DNAJC16: variants seen among roughly 807,000 people sequenced by gnomAD.
DNAJC16 encodes the protein DnaJ heat shock protein family (Hsp40) member C16, also known as dnaJ homolog subfamily C member 16.
In DNAJC16, 76 loss-of-function variants were observed where a neutral mutation model predicts 92.7. That is an observed-to-expected ratio of 0.82 (90% confidence interval 0.68 to 0.99). The LOEUF is 0.99. DNAJC16 is among the 50% of genes least tolerant of loss of function. DNAJC16 has a pLI of 0.00. For missense variants in DNAJC16, 869 were observed against 942.4 expected, an observed-to-expected ratio of 0.92 and a Z score of 1.02; for synonymous variants, 328 against 358.7, an observed-to-expected ratio of 0.91 and a Z score of 0.97.
rs1638928127 is a variant in DNAJC16 at position 15,570,708 on chromosome 1, C to A, written c.*2531C>A. 6.6e-6 allele frequency: 1 copy of A among 152,118 alleles called. No individual in the cohort carries two copies. The highest frequency in any genetic ancestry group is 1.5e-5 in the Non-Finnish European group (1 of 68,026). 9.4% of individuals were successfully genotyped at this position (152,118 alleles called of 1,614,324 possible). A position where few individuals can be genotyped will look rare whatever the true frequency, so the allele number is the denominator to read the frequency against. Reference sequence around the variant, plus strand: ...GGTGCCCTATGAGAATATTAGGGAGCTTTTATTTTAAATTGAACTTTACCC... The same window carrying A: ...GGTGCCCTATGAGAATATTAGGGAGATTTTATTTTAAATTGAACTTTACCC... On this transcript the variant is annotated 3_prime_UTR_variant, in exon 15 of 15. Transcript: ENST00000375847.
chr1:15,532,657 G>A (rs1399406743), intron 2 of DNAJC16, among the ~76,000 whole-genome samples: 2 of 151,440 alleles, frequency 1.3e-5, no homozygotes, highest in African/African-American at 4.8e-5. Context: ...CCACTCAGTC[G>A]TCAGCCTGAT....
At chr1:15,528,743 T>C (rs1301326303) in intron 1 of DNAJC16, among the ~76,000 whole-genome samples, 2 of 152,236 alleles carry the variant, frequency 1.3e-5, no homozygotes, top group Non-Finnish European at 2.9e-5. Context: ...ATCATGTATT[T>C]GAGAGGTAGT....
intron 7 of DNAJC16, among the ~76,000 whole-genome samples, chr1:15,557,969 C>G (rs1280278284): frequency 6.6e-6 from 1 of 151,246 alleles, no homozygotes; most frequent in East Asian, 2.0e-4. Context: ...CTGGTATGCT[C>G]TCCCAGCCTC....
intron 9 of DNAJC16, among the ~76,000 whole-genome samples, chr1:15,562,846 C>T (rs1233249268): frequency 2.0e-5 from 3 of 151,150 alleles, no homozygotes; most frequent in African/African-American, 7.3e-5. Flanking sequence ...AGCCTCAGGC[C>T]CCCACAGAAA....
chr1:15,537,677 T>G (rs774763239), intron 4 of DNAJC16, among the ~76,000 whole-genome samples: 6 of 152,198 alleles, frequency 3.9e-5, no homozygotes, highest in African/African-American at 9.7e-5. Flanking sequence ...TCCCTTGCAT[T>G]GTGGTAAATG....
At chr1:15,530,980 G>A (rs934148727) in intron 2 of DNAJC16, among the ~76,000 whole-genome samples, 1 of 152,226 alleles carries the variant, frequency 6.6e-6, no homozygotes, top group Non-Finnish European at 1.5e-5. Context: ...GAGCTACCAT[G>A]CTCGGCCAGT....
Position 15,546,884 on chromosome 1 carries a change from C to G in DNAJC16, c.864+13C>G. 1 of 1,512,074 alleles carries G rather than the reference C, an allele frequency of 6.6e-7. No individual in the cohort carries two copies. Among genetic ancestry groups the G allele is most frequent in the Non-Finnish European group, 9.0e-7 (1 of 1,114,076 alleles). 93.7% of individuals were successfully genotyped at this position (1,512,074 alleles called of 1,614,324 possible). On this transcript the variant is annotated intron_variant, in intron 6 of 14. Transcript: ENST00000375847. The stretch of plus-strand genomic sequence containing the variant: ...ACTGTTATACAAGGTACTTTCTATG[C>G]TAGGATAATGGTTTCTTTTTCTTTT...
At chr1:15,539,707 T>C (rs1710886926) in intron 4 of DNAJC16, among the ~76,000 whole-genome samples, 1 of 151,948 alleles carries the variant, frequency 6.6e-6, no homozygotes, top group Non-Finnish European at 1.5e-5. Context: ...ATTGTACCTG[T>C]CTTTAAATAT....
chr1:15,559,292 G>A (rs914993548), intron 7 of DNAJC16, among the ~76,000 whole-genome samples: 1 of 152,120 alleles, frequency 6.6e-6, no homozygotes, highest in Non-Finnish European at 1.5e-5. Context: ...ATTCTCCAGT[G>A]GAAAGTGTAC....
chr1:15,538,106 AAGAG>A (rs1328592504), intron 4 of DNAJC16, among the ~76,000 whole-genome samples: 1 of 152,126 alleles, frequency 6.6e-6, no homozygotes, highest in Non-Finnish European at 1.5e-5. Context: ...CCTGTTTAAA[AAGAG>A]AGACTGCTGG....
At chr1:15,543,877 T>C (rs940281783) in intron 4 of DNAJC16, among the ~76,000 whole-genome samples, 1 of 152,180 alleles carries the variant, frequency 6.6e-6, no homozygotes, top group African/African-American at 2.4e-5. Context: ...ACTGGAAGGA[T>C]GGAGCTGTCA....
intron 9 of DNAJC16, among the ~76,000 whole-genome samples, chr1:15,563,158 G>A (rs1220254889): frequency 1.3e-5 from 2 of 151,696 alleles, no homozygotes; most frequent in African/African-American, 4.9e-5. Context: ...TTAATATTAA[G>A]TCAAGGTTAT....
chr1:15,546,295 C>T (rs549120151), intron 5 of DNAJC16, among the ~76,000 whole-genome samples: 4 of 152,060 alleles, frequency 2.6e-5, no homozygotes, highest in Non-Finnish European at 4.4e-5. Context: ...GCCTGGGCAA[C>T]AAAGCAAGAC....
rs1710798423 is a variant in DNAJC16 at position 15,536,718 on chromosome 1, A to G, written c.478A>G (p.Lys160Glu). Residue 160 changes from lysine to glutamate, a missense_variant, in exon 4 of 15, where the codon AAA (lysine) becomes GAA (glutamate). Coordinates refer to ENST00000375847, the MANE Select transcript of DNAJC16 (RefSeq NM_015291.4). ...TGAAGTGGTTCCAGATAGCTTCAAG[A>G]AACCCTACCTCATCAAGATCACCTC... is the stretch of plus-strand genomic sequence containing the variant. ...VNEVVPDSFKKPYLIKITSDW... is the reference protein window; with the variant it reads ...VNEVVPDSFKEPYLIKITSDW... 2.5e-6 allele frequency: 4 copies of G among 1,614,098 alleles called. No homozygotes were observed. The highest frequency in any genetic ancestry group is 1.7e-6 in the Non-Finnish European group (2 of 1,180,040).
rs1406302530 is a variant in DNAJC16, at chr1:15,549,974, GA to G, written c.1023+1553del. Among the ~76,000 whole-genome samples the G allele has an allele frequency of 3.3e-5, 5 of 152,176 alleles. No homozygotes were observed. In the South Asian group the frequency reaches 1.0e-3, roughly 32 times the overall value. ...AACTTTATCATAGGTATGTGTATAG[GA>G]AAAAAACATAGTTTGTATAGAGTTC... On this transcript the variant is annotated intron_variant, in intron 7 of 14. Transcript: ENST00000375847.
intron 7 of DNAJC16, among the ~76,000 whole-genome samples, chr1:15,556,389 G>A (rs7540081): frequency 2.6e-5 from 4 of 151,874 alleles, no homozygotes; most frequent in Non-Finnish European, 5.9e-5. Context: ...GGCATGCACC[G>A]CAATGCCCCG....
intron 7 of DNAJC16, among the ~76,000 whole-genome samples, chr1:15,552,756 T>G (rs972141758): frequency 6.6e-6 from 1 of 150,888 alleles, no homozygotes; most frequent in Middle Eastern, 3.2e-3. Flanking sequence ...TGTGTCTTTT[T>G]ATTATTATTA....
chr1:15,553,611 T>C (rs1275167142), intron 7 of DNAJC16, among the ~76,000 whole-genome samples: 1 of 152,172 alleles, frequency 6.6e-6, no homozygotes, highest in Non-Finnish European at 1.5e-5. Context: ...GATGCACAAG[T>C]CAGAGGTGTG....
In DNAJC16 at chr1:15,568,338, TAGGAATGA is replaced by T. The variant is rs1167610741; in HGVS notation, c.*163_*170del. 1 of 618,780 alleles carries T rather than the reference TAGGAATGA, an allele frequency of 1.6e-6. No individual in the cohort carries two copies. Among genetic ancestry groups the T allele is most frequent in the African/African-American group, 1.8e-5 (1 of 54,088 alleles). The allele number at this position is 618,780 out of a possible 1,614,324, so 38.3% of individuals were successfully genotyped here. On this transcript the variant is annotated 3_prime_UTR_variant, in exon 15 of 15. Transcript: ENST00000375847. ...ATCTTTCCTTTGTCCTGTTCTAACCTAGGAATGAAAAACACCACCAGTTTGAATCGCCT... is the reference window on the plus strand; with the variant it reads ...ATCTTTCCTTTGTCCTGTTCTAACCTAAAACACCACCAGTTTGAATCGCCT...
Sources: gnomAD v4.1 joint callset for allele counts (sites outside exome capture counted in the v4.1 genomes callset) on GRCh38, gnomAD v4.1.1 for gene constraint, MANE v1.5 for transcripts, NCBI Gene and HGNC (gene_info 2026-07-23, HGNC 2026-07-21) for gene names.